The following FHIT variants were observed in gnomAD, a reference collection of about 807,000 sequenced individuals.
The protein encoded by FHIT is bis(5'-adenosyl)-triphosphatase.
In FHIT, 19 loss-of-function variants were observed where a neutral mutation model predicts 17.9. The ratio of observed to expected loss-of-function variants is 1.06; its 90% CI spans 0.74 to 1.56. The LOEUF (loss-of-function observed/expected upper bound fraction) is 1.56. FHIT is among the 40% of genes most tolerant of loss of function. FHIT has a pLI of 0.00. For missense variants in FHIT, 248 were observed against 189.2 expected, an observed-to-expected ratio of 1.31 and a Z score of -1.82; for synonymous variants, 81 against 69.7, an observed-to-expected ratio of 1.16 and a Z score of -0.81.
intron 5 of FHIT, among the ~76,000 whole-genome samples, chr3:60,090,203 TCTCA>T (rs1163667291): frequency 2.0e-5 from 3 of 151,990 alleles, no homozygotes; most frequent in African/African-American, 7.3e-5. Context: ...AAACTTAACC[TCTCA>T]CTAAGTGCCC....
intron 3 of FHIT, among the ~76,000 whole-genome samples, chr3:60,985,610 C>T (rs74804466): frequency 0.021 from 3,190 of 152,260 alleles, 113 homozygotes; most frequent in African/African-American, 0.073. Context: ...CAGCAGCCCT[C>T]AAAATACAGT....
chr3:60,048,687 T>G (rs1240888016), intron 5 of FHIT, among the ~76,000 whole-genome samples: 1 of 152,176 alleles, frequency 6.6e-6, no homozygotes, highest in Non-Finnish European at 1.5e-5. Context: ...TTTGGATCTT[T>G]CCACATTCAA....
In FHIT at chr3:60,355,026, T is replaced by G. The variant is rs185449073; in HGVS notation, c.103+181834A>C. On this transcript the variant is annotated intron_variant, in intron 5 of 9. Transcript: ENST00000492590. The stretch of plus-strand genomic sequence containing the variant: ...TTAAAGAATCCTAAAACATAAATCT[T>G]TTTAATCCTCAATGATTTAGACTCT... Among the ~76,000 whole-genome samples the G allele has an allele frequency of 4.2e-3, 646 of 152,328 alleles. 4 individuals carry two copies. The highest frequency in any genetic ancestry group is 0.014 in the African/African-American group (587 of 41,570).
chr3:60,334,759 ACTGGGCGACGC>A (rs1204474162), intron 5 of FHIT, among the ~76,000 whole-genome samples: 1 of 152,218 alleles, frequency 6.6e-6, no homozygotes, highest in Non-Finnish European at 1.5e-5. Flanking sequence ...TGCCCTCCAG[ACTGGGCGACGC>A]CTGGGCGACA....
At chr3:60,183,236 A>G (rs543948402) in intron 5 of FHIT, among the ~76,000 whole-genome samples, 48 of 152,136 alleles carry the variant, frequency 3.2e-4, no homozygotes, top group African/African-American at 1.2e-3. Flanking sequence ...CATCTCTACT[A>G]AAAATACAAA....
At chr3:60,219,031 G>T (rs756376576) in intron 5 of FHIT, among the ~76,000 whole-genome samples, 1 of 152,088 alleles carries the variant, frequency 6.6e-6, no homozygotes, top group Non-Finnish European at 1.5e-5. Flanking sequence ...GGAAATCACT[G>T]AATTTTACTA....
chr3:60,762,222 T>C (rs1699680217), intron 4 of FHIT, among the ~76,000 whole-genome samples: 1 of 152,330 alleles, frequency 6.6e-6, no homozygotes, highest in Admixed American at 6.5e-5. Flanking sequence ...CTCTCTCTCT[T>C]TTTTAACTTA....
intron 7 of FHIT, among the ~76,000 whole-genome samples, chr3:59,962,047 A>G (rs1707712097): frequency 6.6e-6 from 1 of 152,234 alleles, no homozygotes; most frequent in Admixed American, 6.5e-5. Context: ...ATCATTCTAG[A>G]AAACAATTCA....
At chr3:60,369,827 C>T (rs898792274) in intron 5 of FHIT, among the ~76,000 whole-genome samples, 1 of 152,146 alleles carries the variant, frequency 6.6e-6, no homozygotes, top group Non-Finnish European at 1.5e-5. Flanking sequence ...CTTACAGAGT[C>T]CCACTCTGTG....
At chr3:59,871,911 T>C (rs145278324) in intron 8 of FHIT, among the ~76,000 whole-genome samples, 2 of 152,274 alleles carry the variant, frequency 1.3e-5, no homozygotes, top group East Asian at 1.9e-4. Context: ...AAGAGTCAAT[T>C]TGTGATACGT....
intron 5 of FHIT, among the ~76,000 whole-genome samples, chr3:60,514,586 G>C (rs545336941): frequency 3.2e-4 from 49 of 152,270 alleles, no homozygotes; most frequent in African/African-American, 1.1e-3. Flanking sequence ...CAACCACCAT[G>C]GCACATGTTG....
At chr3:60,047,937 T>C (rs1274727020) in intron 5 of FHIT, among the ~76,000 whole-genome samples, 1 of 152,076 alleles carries the variant, frequency 6.6e-6, no homozygotes, top group East Asian at 1.9e-4. Context: ...TAACCGTGAG[T>C]TGGGTGGCTT....
intron 3 of FHIT, among the ~76,000 whole-genome samples, chr3:60,892,379 C>A (rs1705561768): frequency 6.6e-6 from 1 of 152,164 alleles, no homozygotes; most frequent in Non-Finnish European, 1.5e-5. Context: ...TGACACCCAC[C>A]AACTCAACCA....
chr3:60,626,931 T>C (rs2039305133), intron 4 of FHIT, among the ~76,000 whole-genome samples: 1 of 152,150 alleles, frequency 6.6e-6, no homozygotes, highest in South Asian at 2.1e-4. Context: ...CAAATATTTT[T>C]TCTATGTCTA....
At chr3:60,668,631 T>G (rs1363602285) in intron 4 of FHIT, among the ~76,000 whole-genome samples, 1 of 148,968 alleles carries the variant, frequency 6.7e-6, no homozygotes, top group Non-Finnish European at 1.5e-5. Flanking sequence ...GCACGATCGC[T>G]TCTCACTGCA....
intron 5 of FHIT, among the ~76,000 whole-genome samples, chr3:60,061,941 G>C (rs939996296): frequency 3.9e-5 from 6 of 152,094 alleles, no homozygotes; most frequent in African/African-American, 1.4e-4. Flanking sequence ...ACATGGAAAA[G>C]AGCAAGAAAT....
At position 60,124,049 on chromosome 3, in the gene FHIT, G is replaced by GACAGAGAGAC. The variant is rs1553691029; in HGVS notation, c.104-109898_104-109897insGTCTCTCTGT. Among the ~76,000 whole-genome samples, 64 of 109,372 alleles carry GACAGAGAGAC rather than the reference G, an allele frequency of 5.9e-4. 4 individuals carry two copies. Among genetic ancestry groups the GACAGAGAGAC allele is most frequent in the African/African-American group, 2.7e-3 (61 of 22,904 alleles). 71.8% of individuals were successfully genotyped at this position (109,372 alleles called of 152,430 possible). A position where few individuals can be genotyped will look rare whatever the true frequency, so the allele number is the denominator to read the frequency against. ...AGAGAGAGAGAGAGAGAGAGAGAGA[G>GACAGAGAGAC]AGAGAGACAGAGAGAGAGAGAGATA... On this transcript the variant is annotated intron_variant, in intron 5 of 9. Transcript: ENST00000492590.
At chr3:60,891,113 T>C (rs1705497150) in intron 3 of FHIT, among the ~76,000 whole-genome samples, 1 of 152,206 alleles carries the variant, frequency 6.6e-6, no homozygotes, top group African/African-American at 2.4e-5. Flanking sequence ...CACACAGTCC[T>C]AGAAGACCTT....
chr3:60,278,951 A>T (rs1338040747), intron 5 of FHIT, among the ~76,000 whole-genome samples: 1 of 152,160 alleles, frequency 6.6e-6, no homozygotes, highest in Non-Finnish European at 1.5e-5. Flanking sequence ...ATCTAAAATC[A>T]ATAATCTAAA....
Sources: gnomAD v4.1 joint callset for allele counts (sites outside exome capture counted in the v4.1 genomes callset) on GRCh38, gnomAD v4.1.1 for gene constraint, MANE v1.5 for transcripts, NCBI Gene and HGNC (gene_info 2026-07-23, HGNC 2026-07-21) for gene names.